Variants in SIDT1 observed in about 807,000 individuals in gnomAD.
SIDT1 encodes SID1 transmembrane family, member 1.
In SIDT1, 101 loss-of-function variants were observed where a neutral mutation model predicts 107.5. The ratio of observed to expected loss-of-function variants is 0.94; its 90% confidence interval spans 0.80 to 1.11. The LOEUF (loss-of-function observed/expected upper bound fraction) is 1.11, where lower values mean the gene tolerates loss of function less well. Ranked by LOEUF, SIDT1 falls within the 50% of genes least tolerant of loss-of-function variation. SIDT1 has a pLI of 0.00. For missense variants in SIDT1, 1,076 were observed against 1,058.2 expected, an observed-to-expected ratio of 1.02 and a Z score of -0.23; for synonymous variants, 395 against 398.2, an observed-to-expected ratio of 0.99 and a Z score of 0.10.
intron 3 of SIDT1, chr3:113,568,048 A>G (rs767736478): frequency 9.9e-6 from 2 of 202,164 alleles, no homozygotes; most frequent in Non-Finnish European, 2.0e-5. Context: ...AGGAAGTTTT[A>G]TTTTAGTTCT....
intron 1 of SIDT1, among the ~76,000 whole-genome samples, chr3:113,560,817 A>G (rs1941362186): frequency 6.6e-6 from 1 of 152,152 alleles, no homozygotes; most frequent in South Asian, 2.1e-4. Context: ...ATGGAACAGA[A>G]ATATATTCCT....
At chr3:113,572,216 G>A (rs1942523897) in intron 3 of SIDT1, among the ~76,000 whole-genome samples, 1 of 152,202 alleles carries the variant, frequency 6.6e-6, no homozygotes, top group Non-Finnish European at 1.5e-5. Context: ...AAGAACAGAT[G>A]ATAACTTCAC....
chr3:113,581,510 G>A, intron 6 of SIDT1, 66 bp downstream of exon 6: 1 of 1,298,726 alleles, frequency 7.7e-7, no homozygotes, highest in Non-Finnish European at 1.1e-6. Context: ...TACTTACTGG[G>A]CCAGCATCCA....
chr3:113,542,941 T>C (rs1576701424), intron 1 of SIDT1, among the ~76,000 whole-genome samples: 1 of 141,516 alleles, frequency 7.1e-6, no homozygotes, highest in East Asian at 2.2e-4. Flanking sequence ...TGTGTGTGTT[T>C]GTTTGTTTGT....
chr3:113,632,308 T>C (rs1947099998), downstream of SIDT1, among the ~76,000 whole-genome samples: 1 of 152,208 alleles, frequency 6.6e-6, no homozygotes, highest in Non-Finnish European at 1.5e-5. Flanking sequence ...CTCTAGGTCC[T>C]TGAAGCAGAA....
At chr3:113,545,226 G>A (rs865849385) in intron 1 of SIDT1, among the ~76,000 whole-genome samples, 1 of 150,416 alleles carries the variant, frequency 6.6e-6, no homozygotes, top group Non-Finnish European at 1.5e-5. Flanking sequence ...AGCATCCACT[G>A]ATTATTCTTG....
At chr3:113,633,273 G>A (rs1448599094), downstream of SIDT1, among the ~76,000 whole-genome samples, 1 of 152,070 alleles carries the variant, frequency 6.6e-6, no homozygotes, top group African/African-American at 2.4e-5. Flanking sequence ...AAGGATGCTG[G>A]TTCTCAGGGA....
In SIDT1 at chr3:113,604,075, C is replaced by T. The variant is rs1445727096; in HGVS notation, c.1337+42C>T. On this transcript the variant is annotated intron_variant, in intron 13 of 24. Coordinates refer to ENST00000264852, the MANE Select transcript of SIDT1 (RefSeq NM_017699.3). Reference sequence around the variant, plus strand: ...TAGGACCATGGTTCCCTTAAATAAACATAGTTTTCTTAGTCAGAGCCACAA... The same window carrying T: ...TAGGACCATGGTTCCCTTAAATAAATATAGTTTTCTTAGTCAGAGCCACAA... 2.4e-5 allele frequency: 34 copies of T among 1,402,078 alleles called. No homozygotes were observed. In the Admixed American group the frequency reaches 6.6e-4, roughly 27 times the overall value. The allele number at this position is 1,402,078 out of a possible 1,614,324, so 86.9% of individuals were successfully genotyped here. A position where few individuals can be genotyped will look rare whatever the true frequency, so the allele number is the denominator to read the frequency against.
intron 4 of SIDT1, among the ~76,000 whole-genome samples, chr3:113,579,122 C>T (rs1246314173): frequency 6.6e-6 from 1 of 152,160 alleles, no homozygotes; most frequent in African/African-American, 2.4e-5. Context: ...AAGCAGGTTG[C>T]AGAAACTGGG....
At chr3:113,632,142 G>A (rs1320316570), downstream of SIDT1, among the ~76,000 whole-genome samples, 3 of 152,054 alleles carry the variant, frequency 2.0e-5, no homozygotes, top group African/African-American at 4.8e-5. Flanking sequence ...CCCATCTCCT[G>A]TCCCGGCATT....
intron 3 of SIDT1, among the ~76,000 whole-genome samples, chr3:113,569,138 C>CAAAAAA (rs780715523): frequency 0.016 from 875 of 55,104 alleles, 18 homozygotes; most frequent in South Asian, 0.027. Flanking sequence ...GACTCCCTCT[C>CAAAAAA]AAAAAAAAAA....
Position 113,612,099 on chromosome 3 carries a change from A to G in SIDT1, c.1871A>G (p.Asn624Ser). 6.2e-7 allele frequency: 1 copy of G among 1,614,066 alleles called. No individual in the cohort carries two copies. Among genetic ancestry groups the G allele is most frequent in the Non-Finnish European group, 8.5e-7 (1 of 1,179,950 alleles). ...VTVLGVVFGK[N>S]DVWFWVIFSA... ...CTTTACTCCTAGGTGTTTGGAAAAAATGACGTATGGTTCTGGGTCATCTTC... is the reference window on the plus strand; with the variant it reads ...CTTTACTCCTAGGTGTTTGGAAAAAGTGACGTATGGTTCTGGGTCATCTTC... Residue 624 changes from asparagine (N) to serine (S), a missense_variant, in exon 19 of 25, where the codon AAT becomes AGT. Physicochemically the swap from Asn to Ser is conservative, Grantham distance 46. Transcript: ENST00000264852.
At chr3:113,627,543 G>A (rs1946938957) in intron 24 of SIDT1, 103 bp from the exon 25 acceptor site, 1 of 1,048,470 alleles carries the variant, frequency 9.5e-7, no homozygotes, top group Admixed American at 1.8e-5. Flanking sequence ...GAGAATGAGA[G>A]GGAACTAACA....
chr3:113,617,483 C>T (rs1946188955), intron 20 of SIDT1, among the ~76,000 whole-genome samples: 1 of 152,128 alleles, frequency 6.6e-6, no homozygotes, highest in African/African-American at 2.4e-5. Flanking sequence ...GCCTGTCACA[C>T]AGGGATTTAG....
At chr3:113,552,794 T>A (rs1236876883) in intron 1 of SIDT1, among the ~76,000 whole-genome samples, 4 of 152,210 alleles carry the variant, frequency 2.6e-5, no homozygotes, top group Non-Finnish European at 2.9e-5. Context: ...GGCATATCCA[T>A]CTACCCAAGC....
In SIDT1 at chr3:113,608,500, T is replaced by C; in HGVS notation, c.1684T>C (p.Tyr562His). 1 of 1,613,706 alleles carries C rather than the reference T, an allele frequency of 6.2e-7. No individual in the cohort carries two copies. The highest frequency in any genetic ancestry group is 8.5e-7 in the Non-Finnish European group (1 of 1,179,566). ...GATGGAAGGGGTGCTCAGTGCTTGC[T>C]ACCATGTCTGCCCTAATTATTCCAA... is the stretch of plus-strand genomic sequence containing the variant. ...LMMEGVLSAC[Y>H]HVCPNYSNFQ... The change falls in exon 17 of 25, where the codon TAC (tyrosine) becomes CAC (histidine). Residue 562 changes from tyrosine to histidine, a missense_variant. Coordinates refer to ENST00000264852, the MANE Select transcript of SIDT1 (RefSeq NM_017699.3).
chr3:113,573,229 C>T (rs1428365807), intron 3 of SIDT1, among the ~76,000 whole-genome samples: 1 of 152,110 alleles, frequency 6.6e-6, no homozygotes, highest in Non-Finnish European at 1.5e-5. Flanking sequence ...AGCACATTCC[C>T]TTTTATCATG....
At chr3:113,550,858 T>C (rs980807068) in intron 1 of SIDT1, among the ~76,000 whole-genome samples, 3 of 152,150 alleles carry the variant, frequency 2.0e-5, no homozygotes, top group Non-Finnish European at 4.4e-5. Flanking sequence ...GATTATTTTA[T>C]CACTCAACTA....
chr3:113,581,711 A>T lies in SIDT1; in HGVS notation c.747+267A>T, dbSNP rs1255637760. 7 of 371,074 alleles carry T rather than the reference A, an allele frequency of 1.9e-5. No homozygotes were observed. The Admixed American group carries it at 2.8e-4, about 15-fold the overall frequency. 23.0% of individuals were successfully genotyped at this position (371,074 alleles called of 1,614,324 possible). A position where few individuals can be genotyped will look rare whatever the true frequency, so the allele number is the denominator to read the frequency against. ...AATATGGCAAAACCCTGTCTCCACT[A>T]AAAATACAAAAATTAGCTGGGCTTG... On this transcript the variant is annotated intron_variant, in intron 6 of 24. Coordinates refer to ENST00000264852, the MANE Select transcript of SIDT1 (RefSeq NM_017699.3).
Sources: allele counts gnomAD v4.1 joint callset (sites outside exome capture counted in the v4.1 genomes callset), GRCh38; gene constraint gnomAD v4.1.1; transcripts MANE v1.5; gene names NCBI Gene and HGNC (gene_info 2026-07-23, HGNC 2026-07-21).